Variants in UNC79 observed in about 807,000 individuals in gnomAD.
UNC79 encodes the protein protein unc-79 homolog.
In UNC79, 37 loss-of-function variants were observed where a neutral mutation model predicts 283.1. The ratio of observed to expected loss-of-function variants is 0.13; its 90% CI spans 0.10 to 0.17. UNC79 has a LOEUF of 0.17. Among genes scored for constraint, UNC79 ranks in the 10% least tolerant of loss-of-function variants. UNC79 has a pLI of 1.00. For missense variants in UNC79, 2,272 were observed against 3,211.1 expected (o/e 0.71, Z 7.07); for synonymous variants, 1,107 against 1,200.2 (o/e 0.92, Z 1.61).
intron 20 of UNC79, among the ~76,000 whole-genome samples, chr14:93,585,931 G>A (rs1187019195): frequency 6.7e-6 from 1 of 149,768 alleles, no homozygotes; most frequent in Admixed American, 6.7e-5. Flanking sequence ...GCCCAGGCTG[G>A]AGTACAGTGG....
chr14:93,700,146 A>G (rs750483579), intron 47 of UNC79, among the ~76,000 whole-genome samples: 11 of 151,170 alleles, frequency 7.3e-5, no homozygotes, highest in Non-Finnish European at 1.6e-4. Flanking sequence ...TTCCAACAAG[A>G]AATCTGTCAT....
chr14:93,367,711 G>GT (rs1430536293), intron 1 of UNC79, among the ~76,000 whole-genome samples: 1 of 152,230 alleles, frequency 6.6e-6, no homozygotes, highest in Non-Finnish European at 1.5e-5. Context: ...GACTCCCTGT[G>GT]TTAGTCCCTT....
At chr14:93,339,675 C>T (rs1162614008) in intron 1 of UNC79, among the ~76,000 whole-genome samples, 1 of 152,046 alleles carries the variant, frequency 6.6e-6, no homozygotes, top group Non-Finnish European at 1.5e-5. Flanking sequence ...AAGGCTCTGC[C>T]CAAATCACAG....
chr14:93,691,939 A>G, exon 46 of UNC79: 1 of 1,614,170 alleles, frequency 6.2e-7, no homozygotes. Flanking sequence ...ATGGCCCATA[A>G]CAAAGTGGTG....
intron 1 of UNC79, among the ~76,000 whole-genome samples, chr14:93,340,336 G>C (rs2053677297): frequency 6.6e-6 from 1 of 151,844 alleles, no homozygotes; most frequent in South Asian, 2.1e-4. Context: ...CAGCTACTCG[G>C]GAGGCTGAGG....
At chr14:93,425,043 A>G (rs927353875) in intron 1 of UNC79, among the ~76,000 whole-genome samples, 1 of 152,204 alleles carries the variant, frequency 6.6e-6, no homozygotes, top group Non-Finnish European at 1.5e-5. Flanking sequence ...TGGCAGGTGT[A>G]TTAGTCCATT....
At chr14:93,692,372 T>C (rs890880435) in intron 46 of UNC79, among the ~76,000 whole-genome samples, 2 of 152,212 alleles carry the variant, frequency 1.3e-5, no homozygotes, top group African/African-American at 4.8e-5. Context: ...AGTACAGTTA[T>C]TAATATTAAA....
chr14:93,386,853 C>CT (rs1433813868), intron 1 of UNC79, among the ~76,000 whole-genome samples: 1 of 130,894 alleles, frequency 7.6e-6, no homozygotes, highest in Non-Finnish European at 1.7e-5. Context: ...TCTTGTTTAT[C>CT]TTTTTAAAAA....
At chr14:93,420,334 T>C (rs1555406473) in intron 1 of UNC79, among the ~76,000 whole-genome samples, 1 of 151,444 alleles carries the variant, frequency 6.6e-6, no homozygotes, top group East Asian at 2.0e-4. Flanking sequence ...TCCAACAAAA[T>C]AGATTTCAAG....
At chr14:93,479,085 A>T (rs1249869880) in intron 4 of UNC79, among the ~76,000 whole-genome samples, 2 of 152,312 alleles carry the variant, frequency 1.3e-5, no homozygotes, top group South Asian at 2.1e-4. Flanking sequence ...TTAGAATTGC[A>T]TAGTCATATC....
At chr14:93,659,731 C>A (rs1424264170) in intron 39 of UNC79, among the ~76,000 whole-genome samples, 2 of 152,202 alleles carry the variant, frequency 1.3e-5, no homozygotes. Context: ...TTATCATCAT[C>A]ATCATCGAAA....
At chr14:93,677,379 C>T (rs1006416381) in intron 41 of UNC79, among the ~76,000 whole-genome samples, 3 of 152,162 alleles carry the variant, frequency 2.0e-5, no homozygotes, top group African/African-American at 4.8e-5. Context: ...CTCACAATCA[C>T]GGCGAAGGTG....
intron 1 of UNC79, among the ~76,000 whole-genome samples, chr14:93,353,482 CCT>C (rs1276060366): frequency 1.3e-5 from 2 of 152,126 alleles, no homozygotes; most frequent in Non-Finnish European, 2.9e-5. Flanking sequence ...TTAGTCTTAG[CCT>C]CTCTTTTTTT....
At chr14:93,419,170 C>CTT (rs1230763519) in intron 1 of UNC79, among the ~76,000 whole-genome samples, 7 of 140,832 alleles carry the variant, frequency 5.0e-5, no homozygotes, top group Non-Finnish European at 7.8e-5. Flanking sequence ...GGCTCCACAC[C>CTT]TTTTTTTTTT....
chr14:93,680,506 A>C (rs1249720665), intron 41 of UNC79, among the ~76,000 whole-genome samples: 1 of 152,202 alleles, frequency 6.6e-6, no homozygotes, highest in Non-Finnish European at 1.5e-5. Context: ...AACTTAATTA[A>C]AATTAATGCT....
chr14:93,347,110 T>C lies in UNC79; in HGVS notation c.-351+13587T>C, dbSNP rs751083014. 172 of 657,432 alleles carry C rather than the reference T, an allele frequency of 2.6e-4. No individual in the cohort carries two copies. The African/African-American group carries it at 3.3e-3, about 13-fold the overall frequency. 40.7% of individuals were successfully genotyped at this position (657,432 alleles called of 1,614,324 possible). ...GGAAGAGGCGGGGCAGAGCAGGAGG[T>C]GCTGGGCAGAAGGGGTGGGGTAGGG... On this transcript the variant is annotated intron_variant, in intron 1 of 49. Transcript: ENST00000256339.
intron 1 of UNC79, among the ~76,000 whole-genome samples, chr14:93,409,268 T>C (rs1879621875): frequency 6.6e-6 from 1 of 152,090 alleles, no homozygotes; most frequent in Admixed American, 6.5e-5. Flanking sequence ...ATCTCAATAA[T>C]AATTAATTTG....
In UNC79 at chr14:93,688,475, CT is replaced by C. The variant is rs748261027; in HGVS notation, c.6910-187del. Among the ~76,000 whole-genome samples, 5 of 152,040 alleles carry C rather than the reference CT, an allele frequency of 3.3e-5. No homozygotes were observed. Among genetic ancestry groups the C allele is most frequent in the Non-Finnish European group, 7.4e-5 (5 of 67,996 alleles). On this transcript the variant is annotated intron_variant, in intron 43 of 48. Transcript: ENST00000555664. This position sits in a 1 kb window ranked among gnomAD's most constrained non-coding sequence, Gnocchi z 4.0. ...GTTCTCAGTGGCTGGATCTTTCTGG[CT>C]TTGTAGGCTAGGGAACTTTCCCTCC...
chr14:93,385,100 G>A (rs1023026146), intron 1 of UNC79, among the ~76,000 whole-genome samples: 10 of 152,166 alleles, frequency 6.6e-5, no homozygotes, highest in Non-Finnish European at 1.3e-4. Flanking sequence ...TAGTGTATAA[G>A]TCAGGTAATG....
Sources: allele counts gnomAD v4.1 joint callset (sites outside exome capture counted in the v4.1 genomes callset), GRCh38; gene constraint gnomAD v4.1.1; non-coding constraint Gnocchi (gnomAD v3.1); transcripts MANE v1.5; gene names NCBI Gene and HGNC (gene_info 2026-07-23, HGNC 2026-07-21).